The following SLC41A3 variants were observed in gnomAD, a reference collection of about 807,000 sequenced individuals.
The protein encoded by SLC41A3 is SLC41A1-like 2.
SLC41A3 carries 44 observed loss-of-function variants against 45.4 expected under a neutral mutation model. That is an observed-to-expected ratio of 0.97 (90% CI 0.76 to 1.25). The LOEUF (loss-of-function observed/expected upper bound fraction) is 1.25, where lower values mean the gene tolerates loss of function less well. Among genes scored for constraint, SLC41A3 ranks in the 50% most tolerant of loss-of-function variants. The pLI is 0.00. For synonymous variants in SLC41A3, 256 were observed against 252.4 expected (o/e 1.01, Z -0.13); for missense variants, 550 against 600.6 (o/e 0.92, Z 0.88).
At chr3:126,073,082 A>T (rs1367535896) in intron 1 of SLC41A3, 1 of 152,216 alleles carries the variant, frequency 6.6e-6, no homozygotes, top group Non-Finnish European at 1.5e-5. Flanking sequence ...GCATATAAAG[A>T]AGGGAACAAC....
chr3:126,012,655 C>T lies in SLC41A3; in HGVS notation c.1065G>A (p.Lys355=), dbSNP rs368101578. 2 of 1,614,206 alleles carry T rather than the reference C, an allele frequency of 1.2e-6. No individual in the cohort carries two copies. The highest frequency in any genetic ancestry group is 2.2e-5 in the East Asian group (1 of 44,884). The change falls in exon 9 of 11, where the codon AAG becomes AAA. Residue 355 remains lysine, a synonymous_variant. Coordinates refer to ENST00000360370, the MANE Select transcript of SLC41A3 (RefSeq NM_017836.4). The stretch of plus-strand genomic sequence containing the variant: ...TAGAACACGGGTTGGGCCAGAATTT[C>T]TTCATCTGGAGGGGCAGGACGCCAG... ...SAPGVLPLQM[K]KFWPNPCSTF... is the part of the protein sequence containing the mutation.
intron 4 of SLC41A3, among the ~76,000 whole-genome samples, chr3:126,030,143 T>C (rs1941688227): frequency 7.5e-6 from 1 of 133,294 alleles, no homozygotes; most frequent in South Asian, 2.8e-4. Flanking sequence ...GTATAATATA[T>C]ATTATATATG....
chr3:126,042,993 C>T (rs1942693989), intron 3 of SLC41A3, among the ~76,000 whole-genome samples: 1 of 145,718 alleles, frequency 6.9e-6, no homozygotes, highest in South Asian at 2.2e-4. Flanking sequence ...GAAATGATGG[C>T]CAAAAACTTC....
At chr3:126,080,500 A>G (rs906455449) in intron 1 of SLC41A3, among the ~76,000 whole-genome samples, 16 of 152,244 alleles carry the variant, frequency 1.1e-4, no homozygotes, top group Non-Finnish European at 2.9e-5. Context: ...CAAAGCCACA[A>G]TGAGATATTA....
upstream of SLC41A3, among the ~76,000 whole-genome samples, chr3:126,086,418 T>TTTTTTTTTTTTTTTTTTTTG: frequency 2.0e-5 from 1 of 49,298 alleles, no homozygotes; most frequent in Non-Finnish European, 4.6e-5. Context: ...GTTTTTTTTT[T>TTTTTTTTTTTTTTTTTTTTG]TTTTTTTTTT....
intron 8 of SLC41A3, among the ~76,000 whole-genome samples, chr3:126,013,278 G>C (rs1034797767): frequency 6.6e-6 from 1 of 151,878 alleles, no homozygotes; most frequent in Non-Finnish European, 1.5e-5. Flanking sequence ...AATGAGAGGG[G>C]GCCAGGCATG....
chr3:126,078,204 C>G (rs1260770844), intron 1 of SLC41A3, among the ~76,000 whole-genome samples: 2 of 152,230 alleles, frequency 1.3e-5, no homozygotes, highest in Non-Finnish European at 2.9e-5. Context: ...TAGGTCCTAA[C>G]AGCAGAACCC....
intron 3 of SLC41A3, among the ~76,000 whole-genome samples, chr3:126,046,328 A>C (rs551150039): frequency 6.7e-6 from 1 of 149,986 alleles, no homozygotes; most frequent in Non-Finnish European, 1.5e-5. Flanking sequence ...CAGATAATGT[A>C]ATCTTATATG....
intron 5 of SLC41A3, 75 bp from the exon 6 acceptor site, chr3:126,023,007 C>G: frequency 6.3e-7 from 1 of 1,580,176 alleles, no homozygotes; most frequent in Non-Finnish European, 8.6e-7. Context: ...CACAGCAGCA[C>G]AGGGATGGGC....
chr3:126,029,597 GA>G (rs1941646785), intron 4 of SLC41A3, among the ~76,000 whole-genome samples: 1 of 152,132 alleles, frequency 6.6e-6, no homozygotes, highest in African/African-American at 2.4e-5. Flanking sequence ...CTAATACAAA[GA>G]GCTAGTTTTT....
intron 1 of SLC41A3, among the ~76,000 whole-genome samples, chr3:126,071,342 A>G (rs1397831721): frequency 1.3e-5 from 2 of 152,232 alleles, no homozygotes; most frequent in African/African-American, 4.8e-5. Flanking sequence ...AAAAGGGTCA[A>G]TCTATCAAGA....
chr3:126,019,183 G>A (rs1345269291), intron 6 of SLC41A3, among the ~76,000 whole-genome samples: 3 of 152,284 alleles, frequency 2.0e-5, no homozygotes, highest in East Asian at 3.9e-4. Flanking sequence ...CGAGGGAACC[G>A]AGCATGTAGC....
chr3:126,074,398 T>C (rs184919039), intron 1 of SLC41A3, among the ~76,000 whole-genome samples: 107 of 152,070 alleles, frequency 7.0e-4, no homozygotes, highest in Non-Finnish European at 1.3e-3. Context: ...ATCCCTGTTT[T>C]TGCCAATTCT....
At chr3:126,063,280 G>A (rs1191460990) in intron 2 of SLC41A3, among the ~76,000 whole-genome samples, 3 of 152,084 alleles carry the variant, frequency 2.0e-5, no homozygotes, top group African/African-American at 7.2e-5. Context: ...TTTGCCAGAC[G>A]CCATGGTGCC....
At chr3:126,080,713 G>A (rs1057438006) in intron 1 of SLC41A3, among the ~76,000 whole-genome samples, 1 of 152,222 alleles carries the variant, frequency 6.6e-6, no homozygotes, top group Non-Finnish European at 1.5e-5. Flanking sequence ...CACTTTGGGA[G>A]GCCAAGGTGG....
intron 1 of SLC41A3, among the ~76,000 whole-genome samples, chr3:126,100,037 A>C (rs1268664669): frequency 1.3e-5 from 2 of 152,170 alleles, no homozygotes; most frequent in Non-Finnish European, 2.9e-5. Flanking sequence ...TAAAGAAATC[A>C]ACTCCTCTTT....
At position 126,067,969 on chromosome 3, in the gene SLC41A3, C is replaced by T. The variant is rs1387490479; in HGVS notation, c.251G>A (p.Gly84Asp). Residue 84 changes from glycine to aspartate, a missense_variant, in exon 2 of 11, where the codon GGC becomes GAC. Coordinates refer to ENST00000360370, the MANE Select transcript of SLC41A3 (RefSeq NM_017836.4). ...MFAGLGLSWA[G>D]MLLDYFQHWP... ...TACCTGGAAATAGTCCAGAAGCATGCCGGCCCAGGACAGTCCCAGGCCTGC... is the reference window on the plus strand; with the variant it reads ...TACCTGGAAATAGTCCAGAAGCATGTCGGCCCAGGACAGTCCCAGGCCTGC... 1.2e-6 allele frequency: 2 copies of T among 1,605,934 alleles called. No individual in the cohort carries two copies. The highest frequency in any genetic ancestry group is 1.3e-5 in the African/African-American group (1 of 74,584).
At chr3:126,078,104 C>T (rs895606673) in intron 1 of SLC41A3, among the ~76,000 whole-genome samples, 1 of 152,160 alleles carries the variant, frequency 6.6e-6, no homozygotes, top group African/African-American at 2.4e-5. Flanking sequence ...GCCTCCCTCT[C>T]ACCACACCAG....
At chr3:126,059,310 G>GA (rs1553740822) in intron 2 of SLC41A3, among the ~76,000 whole-genome samples, 1 of 88,160 alleles carries the variant, frequency 1.1e-5, no homozygotes. Flanking sequence ...AAGAAAGAAA[G>GA]GAAGGATGAT....
Sources: allele counts gnomAD v4.1 joint callset (sites outside exome capture counted in the v4.1 genomes callset), GRCh38; gene constraint gnomAD v4.1.1; transcripts MANE v1.5; gene names NCBI Gene and HGNC (gene_info 2026-07-23, HGNC 2026-07-21).